The following ANXA4 variants were observed in gnomAD, a reference collection of about 807,000 sequenced individuals.
The protein encoded by ANXA4 is annexin A4.
In ANXA4, 39 loss-of-function variants were observed where a neutral mutation model predicts 49.8. The observed-to-expected ratio is 0.78, with a 90% confidence interval of 0.61 to 1.02. The LOEUF (loss-of-function observed/expected upper bound fraction) is 1.02, where lower values mean the gene tolerates loss of function less well. ANXA4 is among the 50% of genes least tolerant of loss of function. ANXA4 has a pLI of 0.00. For synonymous variants in ANXA4, 134 were observed against 152.5 expected, an observed-to-expected ratio of 0.88 and a Z score of 0.89; for missense variants, 360 against 410.1, an observed-to-expected ratio of 0.88 and a Z score of 1.05.
chr2:69,726,861 C>T (rs1424858442), intron 3 of ANXA4, among the ~76,000 whole-genome samples: 1 of 152,102 alleles, frequency 6.6e-6, no homozygotes, highest in Non-Finnish European at 1.5e-5. Context: ...GACTATGCCA[C>T]GGTCTATTCA....
Position 69,675,986 on chromosome 2 carries a change from G to A in ANXA4, n.766+22704G>A, listed in dbSNP as rs576095082. ...TGTGCCACTGCACTCCAGCCTGGGC[G>A]ACAGAGCAAGACTCTGTCTCAAAAA... On this transcript the variant is annotated intron_variant and non_coding_transcript_variant, in intron 2 of 3. Transcript: ENST00000418066. Among the ~76,000 whole-genome samples the A allele has an allele frequency of 3.6e-3, 531 of 148,104 alleles. 1 individual carries two copies. The highest frequency in any genetic ancestry group is 0.013 in the African/African-American group (512 of 40,104).
chr2:69,777,923 C>G (rs1672025517), intron 1 of ANXA4, among the ~76,000 whole-genome samples: 1 of 152,208 alleles, frequency 6.6e-6, no homozygotes. Context: ...TCTTAGCTTC[C>G]TGGGCCACAT....
intron 2 of ANXA4, among the ~76,000 whole-genome samples, chr2:69,685,439 G>GAAAC (rs752785144): frequency 6.6e-6 from 1 of 152,108 alleles, no homozygotes; most frequent in Non-Finnish European, 1.5e-5. Flanking sequence ...CCAGTCAATT[G>GAAAC]TACGCACAGG....
chr2:69,728,756 T>C (rs1418966593), intron 3 of ANXA4, among the ~76,000 whole-genome samples: 1 of 152,228 alleles, frequency 6.6e-6, no homozygotes. Context: ...CACACTGACT[T>C]TAAGTGTCAT....
At chr2:69,816,041 T>C in intron 8 of ANXA4, 60 bp from the exon 9 acceptor site, 1 of 1,333,978 alleles carries the variant, frequency 7.5e-7, no homozygotes, top group South Asian at 1.2e-5. Flanking sequence ...CTGGAAATAT[T>C]TGCCTGTGTC....
At chr2:69,677,090 A>G (rs2105351584) in intron 2 of ANXA4, among the ~76,000 whole-genome samples, 1 of 152,280 alleles carries the variant, frequency 6.6e-6, no homozygotes, top group East Asian at 1.9e-4. Flanking sequence ...TGTTGGGATT[A>G]TAGGCGTGAG....
chr2:69,809,458 T>C (rs1673600290), intron 6 of ANXA4: 1 of 152,140 alleles, frequency 6.6e-6, no homozygotes, highest in Non-Finnish European at 1.5e-5. Context: ...AAGTGATTTT[T>C]AATTTCTTGC....
At chr2:69,753,520 A>G (rs1330265271) in intron 1 of ANXA4, among the ~76,000 whole-genome samples, 1 of 152,244 alleles carries the variant, frequency 6.6e-6, no homozygotes. Context: ...GATATTAAGT[A>G]GAATCCTTTT....
At chr2:69,825,087 AAAAC>A (rs1213814171) in intron 12 of ANXA4, among the ~76,000 whole-genome samples, 5 of 150,422 alleles carry the variant, frequency 3.3e-5, no homozygotes, top group Admixed American at 6.6e-5. Flanking sequence ...AAAAAAAAAA[AAAAC>A]CACAAACAAA....
intron 2 of ANXA4, among the ~76,000 whole-genome samples, chr2:69,683,824 C>T (rs1479663410): frequency 6.6e-6 from 1 of 152,196 alleles, no homozygotes; most frequent in East Asian, 1.9e-4. Context: ...CCAGATTGCA[C>T]AGCTGGTTAT....
chr2:69,721,020 T>C (rs1212567559), intron 3 of ANXA4: 1 of 152,300 alleles, frequency 6.6e-6, no homozygotes, highest in Non-Finnish European at 1.5e-5. Context: ...TAAACATATA[T>C]AGATGTCACA....
At chr2:69,661,169 G>A (rs1676702168) in intron 2 of ANXA4, among the ~76,000 whole-genome samples, 1 of 148,382 alleles carries the variant, frequency 6.7e-6, no homozygotes, top group African/African-American at 2.5e-5. Context: ...CTAGAATTCT[G>A]TACCCAGTTA....
chr2:69,723,890 C>T (rs1669887988), intron 3 of ANXA4, among the ~76,000 whole-genome samples: 1 of 152,200 alleles, frequency 6.6e-6, no homozygotes, highest in Non-Finnish European at 1.5e-5. Context: ...ACATGAGAAG[C>T]TCCTACCCTT....
At chr2:69,771,823 A>G (rs1279954454) in intron 1 of ANXA4, among the ~76,000 whole-genome samples, 1 of 152,216 alleles carries the variant, frequency 6.6e-6, no homozygotes, top group Non-Finnish European at 1.5e-5. Context: ...AATTCATTGT[A>G]AATTATTTCC....
chr2:69,810,709 C>G lies in ANXA4; in HGVS notation c.477+36C>G, dbSNP rs754281453. ...GCTTCTGATGGGGGGCGGGTTTTAT[C>G]GAAATGTCCACTCTATCCCCTTTGC... On this transcript the variant is annotated intron_variant, in intron 7 of 12. Transcript: ENST00000394295. The G allele has an allele frequency of 1.7e-5, 27 of 1,545,314 alleles. No individual in the cohort carries two copies. The Admixed American group carries it at 3.7e-4, about 21-fold the overall frequency.
chr2:69,673,440 G>A (rs1269328526), intron 2 of ANXA4, among the ~76,000 whole-genome samples: 2 of 150,956 alleles, frequency 1.3e-5, no homozygotes. Flanking sequence ...ACTCACAAAT[G>A]GGAGTTGAAC....
At chr2:69,817,309 T>C (rs1013687584) in intron 9 of ANXA4, 2 of 152,266 alleles carry the variant, frequency 1.3e-5, no homozygotes, top group African/African-American at 2.4e-5. Flanking sequence ...ACTTCATAAT[T>C]GTCTTACCAA....
rs554356168 is a variant in ANXA4 at position 69,726,821 on chromosome 2, T to C, written n.864+5950T>C. Among the ~76,000 whole-genome samples, 3 of 152,342 alleles carry C rather than the reference T, an allele frequency of 2.0e-5. No individual in the cohort carries two copies. The South Asian group carries it at 6.2e-4, about 32-fold the overall frequency. On this transcript the variant is annotated intron_variant and non_coding_transcript_variant, in intron 3 of 3. Transcript: ENST00000418066. ...TGTTGTGTGTACTTGTAGTTTGATATTTCTCTTGCTGTATTGTATTCCATT... is the reference window on the plus strand; with the variant it reads ...TGTTGTGTGTACTTGTAGTTTGATACTTCTCTTGCTGTATTGTATTCCATT...
intron 2 of ANXA4, among the ~76,000 whole-genome samples, chr2:69,689,558 C>T (rs970307657): frequency 6.6e-6 from 1 of 152,116 alleles, no homozygotes; most frequent in Non-Finnish European, 1.5e-5. Context: ...TGTTCTAAGA[C>T]CCACCACCAA....
Sources: gnomAD v4.1 joint callset for allele counts (sites outside exome capture counted in the v4.1 genomes callset) on GRCh38, gnomAD v4.1.1 for gene constraint, MANE v1.5 for transcripts, NCBI Gene and HGNC (gene_info 2026-07-23, HGNC 2026-07-21) for gene names.